SPAG17: variants seen among roughly 807,000 people sequenced by gnomAD.
SPAG17 encodes the protein sperm-associated antigen 17.
SPAG17 carries 169 observed loss-of-function variants against 273.6 expected under a neutral mutation model. That is an observed-to-expected ratio of 0.62 (90% CI 0.55 to 0.70). The LOEUF (loss-of-function observed/expected upper bound fraction) is 0.70. Ranked by LOEUF, SPAG17 falls within the 30% of genes least tolerant of loss-of-function variation. The pLI is 0.00. For synonymous variants in SPAG17, 825 were observed against 873.2 expected (o/e 0.94, Z 0.97); for missense variants, 2,557 against 2,627.8 (o/e 0.97, Z 0.59).
chr1:118,026,411 CATA>C (rs1482062543), intron 26 of SPAG17, among the ~76,000 whole-genome samples: 18 of 152,250 alleles, frequency 1.2e-4, no homozygotes, highest in African/African-American at 4.3e-4. Flanking sequence ...GGAATTAACA[CATA>C]ATGATAGCAT....
chr1:118,074,981 CA>C (rs1557990342), intron 15 of SPAG17, among the ~76,000 whole-genome samples: 3 of 152,168 alleles, frequency 2.0e-5, no homozygotes, highest in Non-Finnish European at 4.4e-5. Flanking sequence ...GTGACTATCA[CA>C]AAGCCTTTTT....
At chr1:117,994,144 A>G (rs1657405386) in intron 35 of SPAG17, among the ~76,000 whole-genome samples, 1 of 152,206 alleles carries the variant, frequency 6.6e-6, no homozygotes, top group Non-Finnish European at 1.5e-5. Flanking sequence ...GAATGTTTGC[A>G]TATTATAGGA....
chr1:117,998,103 T>G (rs927608279), intron 32 of SPAG17, among the ~76,000 whole-genome samples: 1 of 152,212 alleles, frequency 6.6e-6, no homozygotes, highest in African/African-American at 2.4e-5. Context: ...CAATTGCTTT[T>G]GGTGTCTTTG....
At chr1:118,004,396 T>G (rs1317829993) in intron 32 of SPAG17, among the ~76,000 whole-genome samples, 2 of 152,242 alleles carry the variant, frequency 1.3e-5, no homozygotes, top group Non-Finnish European at 2.9e-5. Flanking sequence ...CTGCTGCCTT[T>G]CGTTCAGCTA....
intron 32 of SPAG17, among the ~76,000 whole-genome samples, chr1:117,999,301 T>C (rs570374156): frequency 2.0e-4 from 31 of 152,206 alleles, no homozygotes; most frequent in Non-Finnish European, 4.0e-4. Context: ...CGTGTGCATG[T>C]ATCTTTATAG....
chr1:118,184,140 C>G (rs1661070164), intron 1 of SPAG17, among the ~76,000 whole-genome samples: 1 of 152,082 alleles, frequency 6.6e-6, no homozygotes, highest in African/African-American at 2.4e-5. Context: ...GAAGGCAACA[C>G]AAGACTTTAG....
In SPAG17 at chr1:118,112,261, G is replaced by A. The variant is rs1181277674; in HGVS notation, c.447+3049C>T. 2.0e-5 allele frequency among the ~76,000 whole-genome samples: 3 copies of A among 151,846 alleles called. No individual in the cohort carries two copies. The East Asian group carries it at 5.8e-4, about 29-fold the overall frequency. On this transcript the variant is annotated intron_variant, in intron 4 of 48. Transcript: ENST00000336338. ...AAGTTAAAAAGAAACAAAAATGTGA[G>A]TAGATATATAATATTCAGATAATGA...
chr1:118,076,522 T>C (rs565217681), intron 15 of SPAG17: 40 of 152,300 alleles, frequency 2.6e-4, no homozygotes, highest in Admixed American at 6.5e-4. Flanking sequence ...CTTGAAGCAA[T>C]TGATATGAAA....
At chr1:117,955,972 C>T (rs920277285) in intron 48 of SPAG17, among the ~76,000 whole-genome samples, 1 of 151,962 alleles carries the variant, frequency 6.6e-6, no homozygotes, top group Non-Finnish European at 1.5e-5. Context: ...TTTTATATTG[C>T]CAAATTACTT....
chr1:118,096,048 G>A (rs1462864060), intron 7 of SPAG17, among the ~76,000 whole-genome samples: 1 of 152,194 alleles, frequency 6.6e-6, no homozygotes, highest in Non-Finnish European at 1.5e-5. Flanking sequence ...GAACAAGGCT[G>A]AGATTCACCA....
chr1:117,959,882 A>G (rs1652798134), intron 48 of SPAG17: 1 of 153,110 alleles, frequency 6.5e-6, no homozygotes, highest in South Asian at 2.0e-4. Context: ...TGCATAATTG[A>G]TTGCCCTTTG....
At chr1:118,000,155 G>A (rs1225068185) in intron 32 of SPAG17, among the ~76,000 whole-genome samples, 1 of 152,092 alleles carries the variant, frequency 6.6e-6, no homozygotes, top group Non-Finnish European at 1.5e-5. Context: ...TTATTTCTGA[G>A]GCCTCTGTCC....
At chr1:117,962,475 C>G (rs1180028298) in intron 48 of SPAG17, 2 of 151,468 alleles carry the variant, frequency 1.3e-5, no homozygotes, top group African/African-American at 4.9e-5. Context: ...TAAAGAAAAG[C>G]CTTTTGAGAT....
chr1:118,063,516 A>G (rs1211046326), intron 18 of SPAG17, among the ~76,000 whole-genome samples: 10 of 152,228 alleles, frequency 6.6e-5, no homozygotes, highest in African/African-American at 1.7e-4. Flanking sequence ...TGGTGCTGGG[A>G]AAACTGGCTA....
chr1:118,046,435 G>A (rs1407014087), intron 20 of SPAG17, among the ~76,000 whole-genome samples: 2 of 151,938 alleles, frequency 1.3e-5, no homozygotes, highest in African/African-American at 2.4e-5. Flanking sequence ...TAAAACTTAA[G>A]CCTCAGTTTA....
At chr1:118,007,104 T>A (rs1658976758) in intron 31 of SPAG17, among the ~76,000 whole-genome samples, 1 of 152,224 alleles carries the variant, frequency 6.6e-6, no homozygotes, top group African/African-American at 2.4e-5. Context: ...AAACTTTTTT[T>A]TGATTTTGGT....
intron 15 of SPAG17, among the ~76,000 whole-genome samples, chr1:118,080,867 T>G (rs1332486390): frequency 6.6e-6 from 1 of 152,154 alleles, no homozygotes; most frequent in Non-Finnish European, 1.5e-5. Flanking sequence ...TTTAATGATG[T>G]TTGCTGTGCT....
chr1:117,989,045 T>C (rs1263314880), intron 38 of SPAG17, among the ~76,000 whole-genome samples: 6 of 152,192 alleles, frequency 3.9e-5, no homozygotes, highest in Non-Finnish European at 5.9e-5. Flanking sequence ...GCCTGTTCCT[T>C]GTCCCAGAGG....
chr1:118,138,593 C>T (rs1658490716), intron 3 of SPAG17, among the ~76,000 whole-genome samples: 1 of 152,052 alleles, frequency 6.6e-6, no homozygotes, highest in Non-Finnish European at 1.5e-5. Flanking sequence ...TCTTTGTGAA[C>T]CACTGGGATG....
Sources: gnomAD v4.1 joint callset for allele counts (sites outside exome capture counted in the v4.1 genomes callset) on GRCh38, gnomAD v4.1.1 for gene constraint, MANE v1.5 for transcripts, NCBI Gene and HGNC (gene_info 2026-07-23, HGNC 2026-07-21) for gene names.